Variants in TULP4 observed in about 807,000 individuals in gnomAD.
The protein encoded by TULP4 is tubby-related protein 4.
TULP4 carries 16 observed loss-of-function variants against 129.0 expected under a neutral mutation model. The observed-to-expected ratio is 0.12, with a 90% CI of 0.08 to 0.19. TULP4 has a LOEUF of 0.19. Among genes scored for constraint, TULP4 ranks in the 10% least tolerant of loss-of-function variants. The pLI, the probability that TULP4 is intolerant of heterozygous loss-of-function variation, is 1.00. For missense variants in TULP4, 1,842 were observed against 2,059.1 expected, an observed-to-expected ratio of 0.89 and a Z score of 2.04; for synonymous variants, 998 against 854.0, an observed-to-expected ratio of 1.17 and a Z score of -2.94.
chr6:158,247,488 TAG>T (rs1002482215), intron 1 of TULP4, among the ~76,000 whole-genome samples: 3 of 152,264 alleles, frequency 2.0e-5, no homozygotes, highest in African/African-American at 7.2e-5. Context: ...TTAAATGTTA[TAG>T]AGTGTTGTCA....
intron 6 of TULP4, among the ~76,000 whole-genome samples, chr6:158,475,637 C>T (rs573595702): frequency 1.3e-5 from 2 of 152,266 alleles, no homozygotes; most frequent in Admixed American, 1.3e-4. Flanking sequence ...GAGGAGGTAC[C>T]TTCAGCATGG....
Position 158,323,803 on chromosome 6 carries a change from C to T in TULP4, c.252+9535C>T, listed in dbSNP as rs189715154. Among the ~76,000 whole-genome samples, 47 of 152,318 alleles carry T rather than the reference C, an allele frequency of 3.1e-4. 1 individual carries two copies. In the East Asian group the frequency reaches 8.1e-3, roughly 26 times the overall value. On this transcript the variant is annotated intron_variant, in intron 1 of 13. Coordinates refer to ENST00000367097, the MANE Select transcript of TULP4 (RefSeq NM_020245.5). ...AATTGCAAAACCACAACCCCTCAGA[C>T]TTTTCTATACAGTAAGTCCTCAATA...
At chr6:158,412,805 C>G (rs1778125829) in intron 1 of TULP4, among the ~76,000 whole-genome samples, 2 of 152,202 alleles carry the variant, frequency 1.3e-5, no homozygotes, top group Admixed American at 1.3e-4. Flanking sequence ...GCGGATGGGC[C>G]CCAGGTCGCC....
At chr6:158,297,429 A>C (rs1477486925) in intron 1 of TULP4, among the ~76,000 whole-genome samples, 5 of 152,180 alleles carry the variant, frequency 3.3e-5, no homozygotes, top group African/African-American at 1.2e-4. Context: ...CAATCATCAC[A>C]GGGTCCCGAG....
chr6:158,250,314 C>T (rs1459742994), intron 1 of TULP4, among the ~76,000 whole-genome samples: 4 of 152,084 alleles, frequency 2.6e-5, no homozygotes, highest in Non-Finnish European at 4.4e-5. Flanking sequence ...CCTGCCACCA[C>T]ACCCAGCTAA....
chr6:158,439,400 C>T (rs1181409135), intron 3 of TULP4, among the ~76,000 whole-genome samples: 1 of 152,138 alleles, frequency 6.6e-6, no homozygotes. Context: ...CCCAGAGCAG[C>T]TCTCACTCCT....
At chr6:158,279,261 T>C (rs1292862647), upstream of TULP4, among the ~76,000 whole-genome samples, 1 of 152,124 alleles carries the variant, frequency 6.6e-6, no homozygotes, top group Non-Finnish European at 1.5e-5. Flanking sequence ...TTTTTGAAAA[T>C]GTAGAACAAT....
At chr6:158,412,976 T>G in intron 1 of TULP4, 89 bp from the exon 2 acceptor site, 2 of 1,498,066 alleles carry the variant, frequency 1.3e-6, no homozygotes, top group Non-Finnish European at 1.8e-6. Context: ...GACTGCATTC[T>G]AATTAGTTCA....
chr6:158,240,895 T>C, intron 1 of TULP4, among the ~76,000 whole-genome samples: 1 of 149,366 alleles, frequency 6.7e-6, no homozygotes, highest in South Asian at 2.1e-4. Context: ...GCGGAGACGC[T>C]CCTCACTTCC....
intron 1 of TULP4, among the ~76,000 whole-genome samples, chr6:158,299,339 A>AT (rs1007976110): frequency 6.6e-5 from 10 of 151,968 alleles, no homozygotes; most frequent in African/African-American, 9.7e-5. Flanking sequence ...CATATGAGTC[A>AT]TTTTTTTTAA....
rs1298182381 is a variant in TULP4 at position 158,466,921 on chromosome 6, AT to A, written c.1026+5195del. ...TTTCGCACTCTGTATTCCTCAGACAATTTCAACCAGTCTTACAGCTTTAATT... is the reference window on the plus strand; with the variant it reads ...TTTCGCACTCTGTATTCCTCAGACAATTCAACCAGTCTTACAGCTTTAATT... On this transcript the variant is annotated intron_variant, in intron 6 of 13. Transcript: ENST00000367097. Among the ~76,000 whole-genome samples, 34 of 152,068 alleles carry A rather than the reference AT, an allele frequency of 2.2e-4. 1 individual carries two copies. Among genetic ancestry groups the A allele is most frequent in the Non-Finnish European group, 2.9e-5 (2 of 68,016 alleles).
At chr6:158,475,165 G>T (rs1198099000) in intron 6 of TULP4, among the ~76,000 whole-genome samples, 1 of 152,260 alleles carries the variant, frequency 6.6e-6, no homozygotes, top group Admixed American at 6.5e-5. Flanking sequence ...CTGGTGGGAG[G>T]TGAGGCAGGG....
chr6:158,268,219 A>C (rs1310192240), intron 1 of TULP4, among the ~76,000 whole-genome samples: 1 of 151,058 alleles, frequency 6.6e-6, no homozygotes, highest in Non-Finnish European at 1.5e-5. Flanking sequence ...TTGTATTTTT[A>C]GTGGAGACGG....
intron 1 of TULP4, among the ~76,000 whole-genome samples, chr6:158,270,676 C>T (rs1193817746): frequency 6.6e-6 from 1 of 152,222 alleles, no homozygotes; most frequent in African/African-American, 2.4e-5. Flanking sequence ...TGATGTGATG[C>T]TTGCCTCCTT....
At chr6:158,452,319 T>A (rs1779180257) in intron 5 of TULP4, 51 bp downstream of exon 5, 1 of 1,602,388 alleles carries the variant, frequency 6.2e-7, no homozygotes, top group Non-Finnish European at 8.5e-7. Context: ...CTGTGTGTGC[T>A]TGCCTCAAGG....
At chr6:158,441,324 T>A (rs1442554003) in intron 3 of TULP4, among the ~76,000 whole-genome samples, 3 of 152,048 alleles carry the variant, frequency 2.0e-5, no homozygotes, top group Non-Finnish European at 4.4e-5. Context: ...AAAAAAATAT[T>A]AGGTTAAGAA....
At chr6:158,336,329 A>C (rs1780032789) in intron 1 of TULP4, among the ~76,000 whole-genome samples, 1 of 152,216 alleles carries the variant, frequency 6.6e-6, no homozygotes, top group South Asian at 2.1e-4. Context: ...CAGTAATATT[A>C]GTCTTTTATC....
intron 9 of TULP4, among the ~76,000 whole-genome samples, chr6:158,492,678 T>C (rs1364001158): frequency 6.6e-6 from 1 of 152,156 alleles, no homozygotes; most frequent in Non-Finnish European, 1.5e-5. Flanking sequence ...TCCCACATCA[T>C]AGCTTTAGGG....
chr6:158,425,554 G>T (rs1247976470), intron 2 of TULP4, among the ~76,000 whole-genome samples: 1 of 147,892 alleles, frequency 6.8e-6, no homozygotes, highest in African/African-American at 2.5e-5. Flanking sequence ...CGACGCAAGT[G>T]TAAAATGACG....
Sources: allele counts gnomAD v4.1 joint callset (sites outside exome capture counted in the v4.1 genomes callset), GRCh38; gene constraint gnomAD v4.1.1; transcripts MANE v1.5; gene names NCBI Gene and HGNC (gene_info 2026-07-23, HGNC 2026-07-21).